Variants in ULK2 observed in about 807,000 individuals in gnomAD.
ULK2 encodes the protein serine/threonine-protein kinase ULK2.
A neutral mutation model predicts 127.5 loss-of-function variants in ULK2; 76 were observed. The ratio of observed to expected loss-of-function variants is 0.60; its 90% confidence interval spans 0.50 to 0.72. ULK2 has a LOEUF of 0.72. Ranked by LOEUF, ULK2 falls within the 30% of genes least tolerant of loss-of-function variation. ULK2 has a pLI of 0.00. For synonymous variants in ULK2, 452 were observed against 461.9 expected, an observed-to-expected ratio of 0.98 and a Z score of 0.28; for missense variants, 1,144 against 1,295.9, an observed-to-expected ratio of 0.88 and a Z score of 1.80.
chr17:19,797,542 T>C lies in ULK2; in HGVS notation c.1663A>G (p.Thr555Ala), dbSNP rs749225684. 6.2e-7 allele frequency: 1 copy of C among 1,613,884 alleles called. No individual in the cohort carries two copies. The highest frequency in any genetic ancestry group is 1.1e-5 in the South Asian group (1 of 91,066). Residue 555 changes from threonine (T) to alanine (A), a missense_variant, in exon 18 of 27, where the codon ACT becomes GCT. Thr to Ala is a moderately conservative substitution (Grantham distance 58, BLOSUM62 0). This residue lies in a region of ULK2 where 913 missense variants were observed against 970.5 expected (regional missense o/e 0.94). Coordinates refer to ENST00000395544, the MANE Select transcript of ULK2 (RefSeq NM_014683.4). ...GGCGAGTAGCTGTACCCAGCCCCAG[T>C]ATGGGATGGGCACACGGGGTCAGAG... is the stretch of plus-strand genomic sequence containing the variant. ...QHSDPVCPSH[T>A]GAGYSYSPQP...
chr17:19,825,144 A>G lies in ULK2; in HGVS notation c.874T>C (p.Ser292Pro). The G allele has an allele frequency of 6.2e-7, 1 of 1,614,228 alleles. No individual in the cohort carries two copies. The highest frequency in any genetic ancestry group is 8.5e-7 in the Non-Finnish European group (1 of 1,180,036). Residue 292 changes from serine (S) to proline (P), a missense_variant, in exon 12 of 27, where the codon TCT (serine) becomes CCT (proline). By Grantham distance (74) the Ser-to-Pro change is moderately conservative. Transcript: ENST00000395544. The stretch of plus-strand genomic sequence containing the variant: ...GGAGAGCTGCCACAGGAGCTTCCAG[A>G]GACAGAACCAGAATACATGGGCACT... ...VPVPMYSGSV[S>P]GSSCGSSPSC...
chr17:19,854,751 C>A (rs1241792106), intron 3 of ULK2, among the ~76,000 whole-genome samples: 1 of 151,910 alleles, frequency 6.6e-6, no homozygotes, highest in African/African-American at 2.4e-5. Context: ...AATATGAAAC[C>A]TAGGGGTCAT....
At chr17:19,831,499 G>GA (rs1304924418) in intron 10 of ULK2, among the ~76,000 whole-genome samples, 1 of 152,132 alleles carries the variant, frequency 6.6e-6, no homozygotes, top group Non-Finnish European at 1.5e-5. Flanking sequence ...TAGTAAGAGG[G>GA]AAAAATATAC....
At chr17:19,838,691 AC>A in intron 9 of ULK2, 108 bp from the exon 10 acceptor site, 3 of 884,458 alleles carry the variant, frequency 3.4e-6, no homozygotes, top group Non-Finnish European at 5.3e-6. Flanking sequence ...TTTCACAAAT[AC>A]CAATACATTT....
At chr17:19,791,125 G>C (rs1355895084) in intron 20 of ULK2, among the ~76,000 whole-genome samples, 1 of 152,168 alleles carries the variant, frequency 6.6e-6, no homozygotes, top group Non-Finnish European at 1.5e-5. Context: ...AGAAACATCA[G>C]ACTTAATCTG....
rs368205587 is a variant in ULK2, at chr17:19,856,838, A to G, written c.226-7064T>C. On this transcript the variant is annotated intron_variant, in intron 3 of 26. Coordinates refer to ENST00000395544, the MANE Select transcript of ULK2 (RefSeq NM_014683.4). Reference sequence around the variant, plus strand: ...AATACAAAAACAAAATTAGCCAGGCATGGTGGTAGGCGCCTGTAGTCCCAG... The same window carrying G: ...AATACAAAAACAAAATTAGCCAGGCGTGGTGGTAGGCGCCTGTAGTCCCAG... Among the ~76,000 whole-genome samples the G allele has an allele frequency of 6.5e-4, 98 of 151,212 alleles. No individual in the cohort carries two copies. In the East Asian group the frequency reaches 0.011, roughly 17 times the overall value.
intron 5 of ULK2, chr17:19,848,178 T>C (rs2152398975): frequency 6.6e-6 from 1 of 152,264 alleles, no homozygotes; most frequent in East Asian, 1.9e-4. Context: ...AGAAAAAGGC[T>C]TTGCACATAT....
intron 12 of ULK2, among the ~76,000 whole-genome samples, chr17:19,823,600 T>C (rs1045927627): frequency 6.6e-6 from 1 of 152,200 alleles, no homozygotes; most frequent in Non-Finnish European, 1.5e-5. Flanking sequence ...TATTGAGACT[T>C]TGCCATGGCT....
At chr17:19,845,946 T>C (rs985870098) in intron 6 of ULK2, among the ~76,000 whole-genome samples, 3 of 151,188 alleles carry the variant, frequency 2.0e-5, no homozygotes, top group African/African-American at 2.4e-5. Context: ...CTGTCTCTAC[T>C]GAAAAAAAAA....
Position 19,775,734 on chromosome 17 carries a change from C to G in ULK2, c.*615G>C, listed in dbSNP as rs1244413962. 6.6e-6 allele frequency: 1 copy of G among 152,610 alleles called. No homozygotes were observed. The highest frequency in any genetic ancestry group is 1.5e-5 in the Non-Finnish European group (1 of 68,036). 9.5% of individuals were successfully genotyped at this position (152,610 alleles called of 1,614,324 possible). On this transcript the variant is annotated 3_prime_UTR_variant, in exon 27 of 27. Coordinates refer to ENST00000395544, the MANE Select transcript of ULK2 (RefSeq NM_014683.4). ...TAGTTAAATTACAAAATCCAATACA[C>G]AGTTGTTTTAATAAATTAGTGCAAT...
chr17:19,867,429 C>G lies in ULK2; in HGVS notation c.-12G>C. 3 of 1,585,626 alleles carry G rather than the reference C, an allele frequency of 1.9e-6. No individual in the cohort carries two copies. Among genetic ancestry groups the G allele is most frequent in the Non-Finnish European group, 2.6e-6 (3 of 1,168,276 alleles). On this transcript the variant is annotated 5_prime_UTR_variant, in exon 1 of 27. Transcript: ENST00000395544. ...CCCACCACCTCCATGGCCGCGCCCC[C>G]GGGGCACACAGCGGACGGGCGGGCG... is the stretch of plus-strand genomic sequence containing the variant.
intron 10 of ULK2, among the ~76,000 whole-genome samples, chr17:19,835,989 G>A (rs929993363): frequency 5.9e-5 from 9 of 151,804 alleles, no homozygotes; most frequent in Admixed American, 2.0e-4. Context: ...CGACTGGGCC[G>A]CGCCCGGTGG....
rs1438287146 is a variant in ULK2, at chr17:19,786,043, A to G, written c.2145T>C (p.Gly715=). The G allele has an allele frequency of 6.4e-7, 1 of 1,574,076 alleles. No homozygotes were observed. Among genetic ancestry groups the G allele is most frequent in the Non-Finnish European group, 8.6e-7 (1 of 1,166,784 alleles). Residue 715 remains glycine (G), a synonymous_variant, in exon 21 of 27, where the codon GGT becomes GGC. Transcript: ENST00000395544. ...ACGGVLAPPA[G]TAASSKAVLF... is the part of the protein sequence containing the mutation. ...GGACAGCCTTGGAACTTGCTGCTGT[A>G]CCTGCAGGAGGTGCCAGAACACCAC...
chr17:19,783,686 C>T lies in ULK2; in HGVS notation c.2460+11G>A, dbSNP rs1353766530. The T allele has an allele frequency of 1.3e-6, 2 of 1,490,382 alleles. No homozygotes were observed. Among genetic ancestry groups the T allele is most frequent in the African/African-American group, 2.8e-5 (2 of 70,516 alleles). The allele number at this position is 1,490,382 out of a possible 1,614,324, so 92.3% of individuals were successfully genotyped here. A position where few individuals can be genotyped will look rare whatever the true frequency, so the allele number is the denominator to read the frequency against. On this transcript the variant is annotated intron_variant, in intron 22 of 26. Transcript: ENST00000395544. ...AACATTACATTCACACCACTATAGT[C>T]TCTTTTCTACCTCCATCAGCGTCTC... is the stretch of plus-strand genomic sequence containing the variant.
At chr17:19,854,942 T>C (rs1212809606) in intron 3 of ULK2, among the ~76,000 whole-genome samples, 1 of 150,110 alleles carries the variant, frequency 6.7e-6, no homozygotes, top group African/African-American at 2.5e-5. Context: ...CTACTAAAAA[T>C]ACAAAAAATT....
In ULK2 at chr17:19,804,802, T is replaced by C; in HGVS notation, c.1186A>G (p.Ser396Gly). 1.2e-6 allele frequency: 2 copies of C among 1,613,454 alleles called. No individual in the cohort carries two copies. Among genetic ancestry groups the C allele is most frequent in the Non-Finnish European group, 1.7e-6 (2 of 1,179,610 alleles). ...GGAACTGGAATTGGTGCTGTTTCGC[T>C]GTGAGGTGACACAGTAGGCTGACAC... is the stretch of plus-strand genomic sequence containing the variant. ...GQCQPTVSPH[S>G]ETAPIPVPTQ... Residue 396 changes from serine to glycine, a missense_variant, in exon 15 of 27, where the codon AGC becomes GGC. Transcript: ENST00000395544.
chr17:19,865,947 T>TA (rs2042342725), intron 1 of ULK2, 119 bp from the exon 2 acceptor site: 2 of 605,216 alleles, frequency 3.3e-6, no homozygotes, highest in East Asian at 3.2e-5. Context: ...AAAATGGAAT[T>TA]ATTTTCAATA....
rs1351127299 is a variant in ULK2, at chr17:19,816,884, A to G, written c.961T>C (p.Leu321=). 6.2e-7 allele frequency: 1 copy of G among 1,609,436 alleles called. No individual in the cohort carries two copies. The highest frequency in any genetic ancestry group is 8.5e-7 in the Non-Finnish European group (1 of 1,178,706). ...GGAGGACCCAATGGTGGGGAAGATAAGTTTTCTTCCTGAATATGCTGCATA... is the reference window on the plus strand; with the variant it reads ...GGAGGACCCAATGGTGGGGAAGATAGGTTTTCTTCCTGAATATGCTGCATA... ...PDMQHIQEEN[L]SSPPLGPPNY... Residue 321 remains leucine, a synonymous_variant, in exon 13 of 27, where the codon TTA becomes CTA. Coordinates refer to ENST00000395544, the MANE Select transcript of ULK2 (RefSeq NM_014683.4).
In ULK2 at chr17:19,801,694, G is replaced by C. The variant is rs754589143; in HGVS notation, c.1441+83C>G. On this transcript the variant is annotated intron_variant, in intron 16 of 26. Coordinates refer to ENST00000395544, the MANE Select transcript of ULK2 (RefSeq NM_014683.4). ...CTGAGAATCACTGCCATCATGAGCCGAAGTTCCTAAAGAAAATGTGTCATG... is the reference window on the plus strand; with the variant it reads ...CTGAGAATCACTGCCATCATGAGCCCAAGTTCCTAAAGAAAATGTGTCATG... 373 of 1,584,900 alleles carry C rather than the reference G, an allele frequency of 2.4e-4. No individual in the cohort carries two copies. In the Middle Eastern group the frequency reaches 3.4e-3, roughly 15 times the overall value.
Sources: allele counts gnomAD v4.1 joint callset (sites outside exome capture counted in the v4.1 genomes callset), GRCh38; gene constraint gnomAD v4.1.1; regional missense constraint gnomAD v4.1.1; transcripts MANE v1.5; gene names NCBI Gene and HGNC (gene_info 2026-07-23, HGNC 2026-07-21).